TG: variants seen among roughly 807,000 people sequenced by gnomAD.
TG encodes thyroid hormones.
A neutral mutation model predicts 324.7 loss-of-function variants in TG; 270 were observed. The observed-to-expected ratio is 0.83, with a 90% CI of 0.75 to 0.92. TG has a LOEUF of 0.92. TG is among the 40% of genes least tolerant of loss of function. The pLI is 0.00. For synonymous variants in TG, 1,401 were observed against 1,327.0 expected (o/e 1.06, Z -1.21); for missense variants, 3,591 against 3,456.4 (o/e 1.04, Z -0.98).
chr8:132,869,609 A>G, intron 2 of TG, 120 bp from the exon 3 acceptor site: 4 of 878,476 alleles, frequency 4.6e-6, no homozygotes, highest in East Asian at 5.2e-5. Flanking sequence ...CTCTCTCCCT[A>G]ATTTAAACGA....
intron 41 of TG, among the ~76,000 whole-genome samples, chr8:133,068,353 G>C (rs1469616694): frequency 6.6e-6 from 1 of 152,214 alleles, no homozygotes; most frequent in African/African-American, 2.4e-5. Context: ...TACACTCTCA[G>C]GCTAACAGAG....
intron 43 of TG, among the ~76,000 whole-genome samples, chr8:133,106,851 TG>T (rs1849846082): frequency 6.6e-6 from 1 of 152,238 alleles, no homozygotes; most frequent in South Asian, 2.1e-4. Flanking sequence ...TGTTCGCTGA[TG>T]TGTCCCAAAT....
At chr8:133,045,869 T>C (rs757439696) in intron 41 of TG, among the ~76,000 whole-genome samples, 2 of 151,074 alleles carry the variant, frequency 1.3e-5, no homozygotes, top group African/African-American at 2.4e-5. Flanking sequence ...TTTCAGCCCC[T>C]GTCCCACCAA....
At position 133,090,881 on chromosome 8, in the gene TG, G is replaced by A. The variant is rs148985904; in HGVS notation, c.7240-4163G>A. 4.6e-5 allele frequency among the ~76,000 whole-genome samples: 7 copies of A among 152,156 alleles called. No homozygotes were observed. In the East Asian group the frequency reaches 5.8e-4, roughly 13 times the overall value. ...GCTTTGGCCTCACCCCGCACCCCCC[G>A]GGAACAGAAAGGAACTGTCTGCCAC... On this transcript the variant is annotated intron_variant, in intron 41 of 47. Transcript: ENST00000220616.
intron 41 of TG, chr8:133,047,102 G>T (rs1839565965): frequency 6.6e-6 from 1 of 152,224 alleles, no homozygotes; most frequent in African/African-American, 2.4e-5. Context: ...GTCTAGATCA[G>T]GGAGCTGAGG....
intron 41 of TG, among the ~76,000 whole-genome samples, chr8:133,053,580 T>C (rs1247982381): frequency 6.6e-6 from 1 of 152,192 alleles, no homozygotes; most frequent in Non-Finnish European, 1.5e-5. Flanking sequence ...GTGTGTGTTC[T>C]CTGTGACAAT....
chr8:133,047,697 A>G lies in TG; in HGVS notation c.7239+17674A>G, dbSNP rs541324450. 4 of 695,742 alleles carry G rather than the reference A, an allele frequency of 5.7e-6. No homozygotes were observed. The East Asian group carries it at 8.1e-5, about 14-fold the overall frequency. 43.1% of individuals were successfully genotyped at this position (695,742 alleles called of 1,614,324 possible). ...GCCTCCCCAGCAGCGTGTGGGCTGC[A>G]GGGAGCTTAACTACATTGGATCAAT... On this transcript the variant is annotated intron_variant, in intron 41 of 47. Coordinates refer to ENST00000220616, the MANE Select transcript of TG (RefSeq NM_003235.5).
At chr8:133,102,345 G>C in intron 43 of TG, 3 of 499,578 alleles carry the variant, frequency 6.0e-6, no homozygotes, top group East Asian at 3.1e-5. Context: ...GGGAAGTCAC[G>C]GAGGGACAGG....
At chr8:133,085,174 G>T (rs117588465) in intron 41 of TG, among the ~76,000 whole-genome samples, 12 of 152,118 alleles carry the variant, frequency 7.9e-5, no homozygotes, top group Non-Finnish European at 1.3e-4. Context: ...AATATACCAA[G>T]GTATAATCTC....
rs867037085 is a variant in TG at position 132,963,808 on chromosome 8, G to T, written c.5548+734G>T. Among the ~76,000 whole-genome samples, 15 of 152,152 alleles carry T rather than the reference G, an allele frequency of 9.9e-5. 1 individual carries two copies. The South Asian group carries it at 3.1e-3, about 32-fold the overall frequency. ...GAGCCAGATCAGACTGCTGGCACAGGAAGGCAGCATGGTACAGGGGAAAAA... is the reference window on the plus strand; with the variant it reads ...GAGCCAGATCAGACTGCTGGCACAGTAAGGCAGCATGGTACAGGGGAAAAA... On this transcript the variant is annotated intron_variant, in intron 29 of 47. Coordinates refer to ENST00000220616, the MANE Select transcript of TG (RefSeq NM_003235.5).
At chr8:132,928,930 T>G in intron 22 of TG, 146 bp from the exon 23 acceptor site, 1 of 721,618 alleles carries the variant, frequency 1.4e-6, no homozygotes, top group Non-Finnish European at 2.5e-6. Context: ...GGAGCTACCT[T>G]ACAAAGGAAT....
chr8:133,045,410 T>C (rs1839160493), intron 41 of TG, among the ~76,000 whole-genome samples: 1 of 147,164 alleles, frequency 6.8e-6, no homozygotes, highest in Non-Finnish European at 1.5e-5. Context: ...TTTTTTTTTT[T>C]TTGAGTCTGG....
At chr8:132,896,023 C>G (rs949632246) in intron 11 of TG, among the ~76,000 whole-genome samples, 2 of 152,264 alleles carry the variant, frequency 1.3e-5, no homozygotes, top group Non-Finnish European at 2.9e-5. Flanking sequence ...GAGCGAAGTG[C>G]CTTTGGCCAC....
intron 41 of TG, among the ~76,000 whole-genome samples, chr8:133,071,201 A>G (rs1325302856): frequency 6.6e-6 from 1 of 152,190 alleles, no homozygotes; most frequent in African/African-American, 2.4e-5. Context: ...GGTGTGTTAC[A>G]TGTACTCTCC....
At chr8:133,062,573 A>C (rs548369515) in intron 41 of TG, among the ~76,000 whole-genome samples, 11 of 152,372 alleles carry the variant, frequency 7.2e-5, no homozygotes, top group Admixed American at 6.5e-4. Flanking sequence ...AAGAGGGAAG[A>C]GGCAAACCAG....
chr8:133,076,805 T>G (rs1844955560), intron 41 of TG: 1 of 148,604 alleles, frequency 6.7e-6, no homozygotes. Flanking sequence ...TGCCCTTCCC[T>G]GTACTTAACT....
chr8:133,003,759 C>A (rs1447628257), intron 35 of TG, among the ~76,000 whole-genome samples: 1 of 152,168 alleles, frequency 6.6e-6, no homozygotes, highest in Non-Finnish European at 1.5e-5. Context: ...TGCCTCTTTG[C>A]TGCCCCCATC....
intron 21 of TG, among the ~76,000 whole-genome samples, chr8:132,921,070 T>G (rs1563957251): frequency 6.6e-6 from 1 of 152,098 alleles, no homozygotes; most frequent in Non-Finnish European, 1.5e-5. Context: ...GAGAGAAAAA[T>G]CTCCTGTCCT....
chr8:132,885,935 C>T (rs760351957), intron 8 of TG, among the ~76,000 whole-genome samples: 19 of 152,292 alleles, frequency 1.2e-4, no homozygotes, highest in African/African-American at 4.3e-4. Flanking sequence ...AGCCTTCTTC[C>T]CTGTGTGCAT....
Sources: gnomAD v4.1 joint callset for allele counts (sites outside exome capture counted in the v4.1 genomes callset) on GRCh38, gnomAD v4.1.1 for gene constraint, MANE v1.5 for transcripts, NCBI Gene and HGNC (gene_info 2026-07-23, HGNC 2026-07-21) for gene names.